DENND2B: variants seen among roughly 807,000 people sequenced by gnomAD.
DENND2B encodes the protein DENN domain containing 2B.
A neutral mutation model predicts 116.0 loss-of-function variants in DENND2B; 32 were observed. The observed-to-expected ratio is 0.28, with a 90% confidence interval of 0.21 to 0.37. The LOEUF (loss-of-function observed/expected upper bound fraction) is 0.37. Ranked by LOEUF, DENND2B falls within the 10% of genes least tolerant of loss-of-function variation. The probability of loss-of-function intolerance (pLI) is 1.00; values close to 1 mark genes in which losing one functional copy is unlikely to be tolerated. For synonymous variants in DENND2B, 588 were observed against 583.9 expected (o/e 1.01, Z -0.10); for missense variants, 1,276 against 1,477.7 (o/e 0.86, Z 2.24).
intron 3 of DENND2B, among the ~76,000 whole-genome samples, chr11:8,851,051 G>C (rs1334277071): frequency 6.6e-6 from 1 of 152,088 alleles, no homozygotes; most frequent in African/African-American, 2.4e-5. Context: ...GGTGATGTTG[G>C]TCAAAGAACA....
intron 1 of DENND2B, chr11:8,776,063 C>T: frequency 2.8e-6 from 1 of 351,946 alleles, no homozygotes; most frequent in South Asian, 2.1e-5. Flanking sequence ...CCTCTTCAGC[C>T]AGCCCTGGCC....
At chr11:8,787,244 T>C (rs1439848630) in intron 1 of DENND2B, 1 of 152,226 alleles carries the variant, frequency 6.6e-6, no homozygotes, top group Non-Finnish European at 1.5e-5. Flanking sequence ...AAACAATGTA[T>C]ATGAAAATAT....
chr11:8,713,894 C>G, intron 8 of DENND2B, 104 bp downstream of exon 8: 1 of 1,283,206 alleles, frequency 7.8e-7, no homozygotes, highest in Non-Finnish European at 1.1e-6. Context: ...CTCTCCACAT[C>G]AGGCCGGTTA....
At chr11:8,848,231 C>CT (rs2062878903) in intron 3 of DENND2B, among the ~76,000 whole-genome samples, 1 of 152,186 alleles carries the variant, frequency 6.6e-6, no homozygotes, top group African/African-American at 2.4e-5. Context: ...AGAAATATCT[C>CT]TTAGAGCTTT....
At chr11:8,900,544 A>G (rs2064154288) in intron 1 of DENND2B, among the ~76,000 whole-genome samples, 1 of 151,606 alleles carries the variant, frequency 6.6e-6, no homozygotes, top group African/African-American at 2.4e-5. Context: ...GGCAACAGTG[A>G]GCCACACTTG....
chr11:8,891,367 C>T (rs1161185570), intron 1 of DENND2B, among the ~76,000 whole-genome samples: 1 of 152,144 alleles, frequency 6.6e-6, no homozygotes, highest in Admixed American at 6.5e-5. Context: ...ATCATAATGG[C>T]AGGATCAAAT....
rs1010719627 is a variant in DENND2B, at chr11:8,715,737, T to C, written c.1711A>G (p.Lys571Glu). Residue 571 changes from lysine (K) to glutamate (E), a missense_variant, in exon 6 of 20, where the codon AAG becomes GAG. Lys to Glu is a moderately conservative substitution (Grantham distance 56). Around this residue, in one of 2 missense-constraint regions of DENND2B, gnomAD observed 856 missense variants for 846.6 expected, o/e 1.01. Transcript: ENST00000313726. Reference sequence around the variant, plus strand: ...AGCATGTCGTCATGGCTGTGCCTCTTGGGTAATCGTGGCAGCCGGTGGCTC... The same window carrying C: ...AGCATGTCGTCATGGCTGTGCCTCTCGGGTAATCGTGGCAGCCGGTGGCTC... ...RKSHRLPRLP[K>E]RHSHDDMLLL... is the part of the protein sequence containing the mutation. 6 of 1,614,038 alleles carry C rather than the reference T, an allele frequency of 3.7e-6. No homozygotes were observed. In the African/African-American group the frequency reaches 8.0e-5, roughly 22 times the overall value.
chr11:8,772,712 C>T lies in DENND2B; in HGVS notation c.-25-21987G>A, dbSNP rs975379475. On this transcript the variant is annotated intron_variant, in intron 1 of 19. Coordinates refer to ENST00000313726, the MANE Select transcript of DENND2B (RefSeq NM_213618.2). ...CAGGGATAGGCCTAGAGTGCCATGA[C>T]CAGGGGACACCTGGGCGGCTCCAGC... 4.6e-5 allele frequency among the ~76,000 whole-genome samples: 7 copies of T among 152,152 alleles called. No individual in the cohort carries two copies. In the South Asian group the frequency reaches 1.2e-3, roughly 27 times the overall value.
At chr11:8,742,182 G>C (rs1179728499) in intron 2 of DENND2B, among the ~76,000 whole-genome samples, 1 of 152,204 alleles carries the variant, frequency 6.6e-6, no homozygotes, top group Non-Finnish European at 1.5e-5. Context: ...TTACAAGCGT[G>C]AGCCACTGCG....
intron 3 of DENND2B, among the ~76,000 whole-genome samples, chr11:8,856,992 A>G (rs1481503866): frequency 6.6e-6 from 1 of 151,970 alleles, no homozygotes; most frequent in Non-Finnish European, 1.5e-5. Flanking sequence ...GGCTCAAGCA[A>G]TTCTCCTGCC....
chr11:8,803,041 C>G (rs933928929), intron 1 of DENND2B, among the ~76,000 whole-genome samples: 17 of 152,122 alleles, frequency 1.1e-4, no homozygotes, highest in African/African-American at 3.9e-4. Flanking sequence ...TACTTGATTT[C>G]ATACAACTTC....
intron 1 of DENND2B, among the ~76,000 whole-genome samples, chr11:8,888,742 C>T (rs1188013578): frequency 6.6e-6 from 1 of 151,962 alleles, no homozygotes; most frequent in Non-Finnish European, 1.5e-5. Flanking sequence ...CAACATAATT[C>T]GAAAATGGGC....
Position 8,699,799 on chromosome 11 carries a change from A to G in DENND2B, c.2721-409T>C, listed in dbSNP as rs535780670. On this transcript the variant is annotated intron_variant, in intron 14 of 19. Coordinates refer to ENST00000313726, the MANE Select transcript of DENND2B (RefSeq NM_213618.2). ...CACATCAGAACTAGGCAAGAGGGACAAAGAACTTGTGGAAAACCTAAAACA... is the reference window on the plus strand; with the variant it reads ...CACATCAGAACTAGGCAAGAGGGACGAAGAACTTGTGGAAAACCTAAAACA... 1.3e-5 allele frequency: 6 copies of G among 456,264 alleles called. No individual in the cohort carries two copies. In the East Asian group the frequency reaches 4.1e-4, roughly 31 times the overall value. 28.3% of individuals were successfully genotyped at this position (456,264 alleles called of 1,614,324 possible).
rs768876591 is a variant in DENND2B at position 8,696,525 on chromosome 11, G to T, written c.3194C>A (p.Ala1065Asp). The T allele has an allele frequency of 4.3e-6, 7 of 1,614,082 alleles. No individual in the cohort carries two copies. In the South Asian group the frequency reaches 7.7e-5, roughly 18 times the overall value. The part of the protein sequence containing the change: ...FQREAFRKSV[A>D]SKSIRRFLEV... The stretch of plus-strand genomic sequence containing the variant: ...AAGAAAGCGGCGGATGCTTTTGGAG[G>T]CCACAGATTTGCGGAAGGCCTCTCG... The change falls in exon 18 of 20, where the codon GCC becomes GAC. Residue 1065 changes from alanine (A) to aspartate (D), a missense_variant. Ala to Asp is a moderately radical substitution (Grantham distance 126). Around this residue, in one of 2 missense-constraint regions of DENND2B, gnomAD observed 420 missense variants for 631.1 expected, o/e 0.67. Transcript: ENST00000313726.
At chr11:8,807,542 G>C (rs2060978732) in intron 1 of DENND2B, among the ~76,000 whole-genome samples, 1 of 152,190 alleles carries the variant, frequency 6.6e-6, no homozygotes. Context: ...GTATTTCAAA[G>C]TTTCATCTTC....
chr11:8,729,923 A>G, intron 3 of DENND2B, 27 bp downstream of exon 3: 1 of 1,609,796 alleles, frequency 6.2e-7, no homozygotes, highest in Non-Finnish European at 8.5e-7. Flanking sequence ...GTATTCAGCT[A>G]CAACACACCG....
At chr11:8,755,417 T>C (rs1024796190) in intron 1 of DENND2B, among the ~76,000 whole-genome samples, 3 of 152,186 alleles carry the variant, frequency 2.0e-5, no homozygotes, top group Non-Finnish European at 4.4e-5. Flanking sequence ...CAAGATGAAA[T>C]GTACTAGCTC....
intron 1 of DENND2B, among the ~76,000 whole-genome samples, chr11:8,899,602 A>G (rs1490679697): frequency 6.6e-6 from 1 of 152,238 alleles, no homozygotes; most frequent in Non-Finnish European, 1.5e-5. Flanking sequence ...CAGCAAAAAT[A>G]GCCTTATAGC....
intron 1 of DENND2B, among the ~76,000 whole-genome samples, chr11:8,795,074 G>C (rs1408096231): frequency 6.6e-6 from 1 of 152,242 alleles, no homozygotes; most frequent in Non-Finnish European, 1.5e-5. Context: ...TGGCAGAAAT[G>C]CCACCAATCC....
Sources: allele counts gnomAD v4.1 joint callset (sites outside exome capture counted in the v4.1 genomes callset), GRCh38; gene constraint gnomAD v4.1.1; regional missense constraint gnomAD v4.1.1; transcripts MANE v1.5; gene names NCBI Gene and HGNC (gene_info 2026-07-23, HGNC 2026-07-21).